Variants in CARS1 observed in about 807,000 individuals in gnomAD.
The protein encoded by CARS1 is cysteine--tRNA ligase, cytoplasmic.
A neutral mutation model predicts 106.2 loss-of-function variants in CARS1; 48 were observed. The observed-to-expected ratio is 0.45, with a 90% confidence interval of 0.36 to 0.57. CARS1 has a LOEUF of 0.57. Ranked by LOEUF, CARS1 falls within the 20% of genes least tolerant of loss-of-function variation. The pLI is 0.00. For synonymous variants in CARS1, 409 were observed against 403.4 expected, an observed-to-expected ratio of 1.01 and a Z score of -0.17; for missense variants, 968 against 1,057.2, an observed-to-expected ratio of 0.92 and a Z score of 1.17.
rs374825057 is a variant in CARS1 at position 3,002,617 on chromosome 11, G to T, written c.2218-17C>A. 1 of 1,613,840 alleles carries T rather than the reference G, an allele frequency of 6.2e-7. No individual in the cohort carries two copies. The highest frequency in any genetic ancestry group is 8.5e-7 in the Non-Finnish European group (1 of 1,179,902). On this transcript the variant is annotated splice_polypyrimidine_tract_variant and intron_variant, in intron 20 of 22. Coordinates refer to ENST00000380525, the MANE Select transcript of CARS1 (RefSeq NM_001014437.3). ...CTCTTCAACCTGGAGGGTCAATACA[G>T]AGCCAGATGAGACAGGGCTGCCTCA... is the stretch of plus-strand genomic sequence containing the variant.
intron 21 of CARS1, chr11:3,002,288 G>T: frequency 1.5e-6 from 1 of 656,684 alleles, no homozygotes; most frequent in Non-Finnish European, 2.6e-6. Flanking sequence ...AAACCTAATA[G>T]TAGTAAGTCT....
rs1391261845 is a variant in CARS1 at position 3,046,335 on chromosome 11, C to G, written c.274+1418G>C. Among the ~76,000 whole-genome samples the G allele has an allele frequency of 6.6e-6, 1 of 152,198 alleles. No individual in the cohort carries two copies. The highest frequency in any genetic ancestry group is 1.5e-5 in the Non-Finnish European group (1 of 68,034). ...CGCTTCACCCTCCCTAATCCTGCCCCCCTCTGGCTGTGTCTTGGAATGGCA... is the reference window on the plus strand; with the variant it reads ...CGCTTCACCCTCCCTAATCCTGCCCGCCTCTGGCTGTGTCTTGGAATGGCA... On this transcript the variant is annotated intron_variant, in intron 2 of 22. Coordinates refer to ENST00000380525, the MANE Select transcript of CARS1 (RefSeq NM_001014437.3). This position sits in a 1 kb window ranked among gnomAD's most constrained non-coding sequence, Gnocchi z 5.8.
At chr11:3,016,313 T>A (rs912703812) in intron 16 of CARS1, among the ~76,000 whole-genome samples, 4 of 151,510 alleles carry the variant, frequency 2.6e-5, no homozygotes, top group Admixed American at 2.6e-4. Context: ...CTCTGCCTCC[T>A]GGGTTCATGC....
At chr11:3,054,467 A>T (rs1189062959) in intron 1 of CARS1, among the ~76,000 whole-genome samples, 1 of 152,228 alleles carries the variant, frequency 6.6e-6, no homozygotes, top group East Asian at 1.9e-4. Context: ...TAGAGGAGCA[A>T]ACATTTCATG....
chr11:3,039,514 A>G lies in CARS1; in HGVS notation c.553-222T>C, dbSNP rs1854142878. Among the ~76,000 whole-genome samples the G allele has an allele frequency of 6.6e-6, 1 of 152,188 alleles. No homozygotes were observed. Among genetic ancestry groups the G allele is most frequent in the African/African-American group, 2.4e-5 (1 of 41,460 alleles). ...CCTAACATGATCTTTCTGACGCTTA[A>G]TGAAATGAGCCCTGGGGGCCCCAGC... On this transcript the variant is annotated intron_variant, in intron 5 of 22. Transcript: ENST00000380525. The surrounding 1 kb of genome is among the most constrained non-coding windows in gnomAD (Gnocchi z 5.6).
Position 3,020,203 on chromosome 11 carries a change from C to T in CARS1, c.1266+17G>A. 3.4e-6 allele frequency: 5 copies of T among 1,479,500 alleles called. No individual in the cohort carries two copies. Among genetic ancestry groups the T allele is most frequent in the Non-Finnish European group, 4.7e-6 (5 of 1,057,270 alleles). 91.6% of individuals were successfully genotyped at this position (1,479,500 alleles called of 1,614,324 possible). A position where few individuals can be genotyped will look rare whatever the true frequency, so the allele number is the denominator to read the frequency against. On this transcript the variant is annotated intron_variant, in intron 11 of 22. Coordinates refer to ENST00000380525, the MANE Select transcript of CARS1 (RefSeq NM_001014437.3). This position sits in a 1 kb window ranked among gnomAD's most constrained non-coding sequence, Gnocchi z 4.6. The stretch of plus-strand genomic sequence containing the variant: ...TGCCCCTGTCCAAGCCCCACACCTT[C>T]TAGGCCACTCGCTCACCTTTCCCCA...
chr11:3,041,099 A>G lies in CARS1; in HGVS notation c.367-115T>C, dbSNP rs1854391589. The G allele has an allele frequency of 2.0e-6, 3 of 1,531,626 alleles. No homozygotes were observed. Among genetic ancestry groups the G allele is most frequent in the African/African-American group, 2.8e-5 (2 of 72,452 alleles). 94.9% of individuals were successfully genotyped at this position (1,531,626 alleles called of 1,614,324 possible). A position where few individuals can be genotyped will look rare whatever the true frequency, so the allele number is the denominator to read the frequency against. ...GTTTGTGTTTAGTGTAAACAATTCA[A>G]CAGAGACCATTTTGTTTTACTGTGA... is the stretch of plus-strand genomic sequence containing the variant. On this transcript the variant is annotated intron_variant, in intron 3 of 22. Coordinates refer to ENST00000380525, the MANE Select transcript of CARS1 (RefSeq NM_001014437.3). The surrounding 1 kb of genome is among the most constrained non-coding windows in gnomAD (Gnocchi z 4.9).
chr11:3,020,562 T>C lies in CARS1; in HGVS notation c.1154-230A>G, dbSNP rs1851482092. ...TAATCCCCAAAGTCACCAGCTTATA[T>C]ACCTGGCTGACTTGAGGCCACATCT... On this transcript the variant is annotated intron_variant, in intron 10 of 22. Coordinates refer to ENST00000380525, the MANE Select transcript of CARS1 (RefSeq NM_001014437.3). The surrounding 1 kb of genome is among the most constrained non-coding windows in gnomAD (Gnocchi z 4.6). Among the ~76,000 whole-genome samples the C allele has an allele frequency of 6.6e-6, 1 of 152,350 alleles. No individual in the cohort carries two copies. Among genetic ancestry groups the C allele is most frequent in the East Asian group, 1.9e-4 (1 of 5,184 alleles).
At chr11:3,001,349 T>A in intron 22 of CARS1, 101 bp from the exon 23 acceptor site, 1 of 1,361,128 alleles carries the variant, frequency 7.3e-7, no homozygotes, top group South Asian at 1.2e-5. Flanking sequence ...ATCTCCCTGA[T>A]GCAGCCATGT....
Position 3,019,338 on chromosome 11 carries a change from C to A in CARS1, c.1267-71G>T. ...TCCAGGCCTTTATCACTTATCACTC[C>A]AAGTTGATGGCCCTTACATCCTCTG... On this transcript the variant is annotated intron_variant, in intron 11 of 22. Coordinates refer to ENST00000380525, the MANE Select transcript of CARS1 (RefSeq NM_001014437.3). This position sits in a 1 kb window ranked among gnomAD's most constrained non-coding sequence, Gnocchi z 6.2. 1 of 1,328,332 alleles carries A rather than the reference C, an allele frequency of 7.5e-7. No homozygotes were observed. 82.3% of individuals were successfully genotyped at this position (1,328,332 alleles called of 1,614,324 possible). A position where few individuals can be genotyped will look rare whatever the true frequency, so the allele number is the denominator to read the frequency against.
chr11:3,019,707 CAAA>C lies in CARS1; in HGVS notation c.1267-443_1267-441del, dbSNP rs766800048. Among the ~76,000 whole-genome samples the C allele has an allele frequency of 2.8e-5, 3 of 105,618 alleles. No homozygotes were observed. Among genetic ancestry groups the C allele is most frequent in the Admixed American group, 2.0e-4 (2 of 9,928 alleles). The allele number at this position is 105,618 out of a possible 152,430, so 69.3% of individuals were successfully genotyped here. ...CTGGTGACAGAGTGACACTCTGTCT[CAAA>C]AAAAAAAAAAAGACTAAGGATAGCC... On this transcript the variant is annotated intron_variant, in intron 11 of 22. Coordinates refer to ENST00000380525, the MANE Select transcript of CARS1 (RefSeq NM_001014437.3). This position sits in a 1 kb window ranked among gnomAD's most constrained non-coding sequence, Gnocchi z 6.2.
chr11:3,015,515 T>A (rs1389158766), intron 17 of CARS1, among the ~76,000 whole-genome samples: 2 of 152,212 alleles, frequency 1.3e-5, no homozygotes, highest in Non-Finnish European at 2.9e-5. Flanking sequence ...GCCTATGTAG[T>A]TGGGGTCCAA....
Position 3,052,178 on chromosome 11 carries a change from C to T in CARS1, c.26-4177G>A, listed in dbSNP as rs1033014951. Among the ~76,000 whole-genome samples, 14 of 152,236 alleles carry T rather than the reference C, an allele frequency of 9.2e-5. No homozygotes were observed. Among genetic ancestry groups the T allele is most frequent in the Non-Finnish European group, 1.8e-4 (12 of 68,038 alleles). On this transcript the variant is annotated intron_variant, in intron 1 of 22. Coordinates refer to ENST00000380525, the MANE Select transcript of CARS1 (RefSeq NM_001014437.3). This position sits in a 1 kb window ranked among gnomAD's most constrained non-coding sequence, Gnocchi z 4.6. Reference sequence around the variant, plus strand: ...GAGGAAGCAGTCTGGGAACTGAAGCCGCTGTGTATCCGCTCTCTGGAGACC... The same window carrying T: ...GAGGAAGCAGTCTGGGAACTGAAGCTGCTGTGTATCCGCTCTCTGGAGACC...
At chr11:3,025,926 C>A (rs988561331) in intron 10 of CARS1, among the ~76,000 whole-genome samples, 1 of 152,226 alleles carries the variant, frequency 6.6e-6, no homozygotes, top group Non-Finnish European at 1.5e-5. Context: ...AAACACCAGC[C>A]CTGTGAATCC....
Position 3,040,745 on chromosome 11 carries a change from G to T in CARS1, c.455+151C>A. The stretch of plus-strand genomic sequence containing the variant: ...ATTAAAATTTTCATCTTAAAAATAA[G>T]AGAAGAAATTCAGTCTTGATTCCTC... On this transcript the variant is annotated intron_variant, in intron 4 of 22. Coordinates refer to ENST00000380525, the MANE Select transcript of CARS1 (RefSeq NM_001014437.3). The surrounding 1 kb of genome is among the most constrained non-coding windows in gnomAD (Gnocchi z 5.8). The T allele has an allele frequency of 1.3e-6, 1 of 755,656 alleles. No individual in the cohort carries two copies. The highest frequency in any genetic ancestry group is 2.2e-6 in the Non-Finnish European group (1 of 458,856). 46.8% of individuals were successfully genotyped at this position (755,656 alleles called of 1,614,324 possible).
chr11:3,012,711 C>G (rs1850599252), intron 17 of CARS1, among the ~76,000 whole-genome samples: 2 of 152,158 alleles, frequency 1.3e-5, no homozygotes, highest in South Asian at 4.1e-4. Flanking sequence ...GCTGGCGGCT[C>G]CCGGGCCGTG....
Position 3,038,206 on chromosome 11 carries a change from C to T in CARS1, c.652-7G>A. 6.2e-7 allele frequency: 1 copy of T among 1,612,986 alleles called. No individual in the cohort carries two copies. Among genetic ancestry groups the T allele is most frequent in the Non-Finnish European group, 8.5e-7 (1 of 1,179,142 alleles). ...TTAATTTTACTGAAAATGGCTGCAA[C>T]CATAAAGAGACGTCAAATCTATTAG... On this transcript the variant is annotated splice_region_variant and splice_polypyrimidine_tract_variant and intron_variant, in intron 6 of 22. Coordinates refer to ENST00000380525, the MANE Select transcript of CARS1 (RefSeq NM_001014437.3). This position sits in a 1 kb window ranked among gnomAD's most constrained non-coding sequence, Gnocchi z 4.0.
rs889245490 is a variant in CARS1 at position 3,039,997 on chromosome 11, CGT to C, written c.456-68_456-67del. 7 of 796,588 alleles carry C rather than the reference CGT, an allele frequency of 8.8e-6. No homozygotes were observed. In the African/African-American group the frequency reaches 1.2e-4, roughly 14 times the overall value. The allele number at this position is 796,588 out of a possible 1,614,324, so 49.3% of individuals were successfully genotyped here. ...ATGTATAGCTTAACCTCCAACAACA[CGT>C]GTTTGAACTGCATGAGTGCATTTAT... On this transcript the variant is annotated intron_variant, in intron 4 of 22. Transcript: ENST00000380525. This position sits in a 1 kb window ranked among gnomAD's most constrained non-coding sequence, Gnocchi z 5.6.
rs747634092 is a variant in CARS1 at position 3,039,666 on chromosome 11, A to C, written c.552+169T>G. On this transcript the variant is annotated intron_variant, in intron 5 of 22. Transcript: ENST00000380525. The surrounding 1 kb of genome is among the most constrained non-coding windows in gnomAD (Gnocchi z 5.6). Reference sequence around the variant, plus strand: ...GTGTCTGAACATCATAGAAATGATCATATCAGTAGCAGAAGTGGTAATATT... The same window carrying C: ...GTGTCTGAACATCATAGAAATGATCCTATCAGTAGCAGAAGTGGTAATATT... Among the ~76,000 whole-genome samples, 1 of 152,250 alleles carries C rather than the reference A, an allele frequency of 6.6e-6. No homozygotes were observed. Among genetic ancestry groups the C allele is most frequent in the Non-Finnish European group, 1.5e-5 (1 of 68,048 alleles).
Sources: gnomAD v4.1 joint callset for allele counts (sites outside exome capture counted in the v4.1 genomes callset) on GRCh38, gnomAD v4.1.1 for gene constraint, Gnocchi (gnomAD v3.1) non-coding constraint, MANE v1.5 for transcripts, NCBI Gene and HGNC (gene_info 2026-07-23, HGNC 2026-07-21) for gene names.